RPTOR: variants seen among roughly 807,000 people sequenced by gnomAD.
RPTOR encodes regulatory-associated protein of mTOR.
In RPTOR, 21 loss-of-function variants were observed where a neutral mutation model predicts 169.9. The ratio of observed to expected loss-of-function variants is 0.12; its 90% CI spans 0.09 to 0.18. RPTOR has a LOEUF of 0.18. Ranked by LOEUF, RPTOR falls within the 10% of genes least tolerant of loss-of-function variation. The probability of loss-of-function intolerance (pLI) is 1.00; values close to 1 mark genes in which losing one functional copy is unlikely to be tolerated. For missense variants in RPTOR, 1,133 were observed against 1,855.9 expected, an observed-to-expected ratio of 0.61 and a Z score of 7.16; for synonymous variants, 732 against 753.2, an observed-to-expected ratio of 0.97 and a Z score of 0.46.
intron 20 of RPTOR, among the ~76,000 whole-genome samples, chr17:80,899,640 G>T (rs778177432): frequency 2.6e-5 from 4 of 152,206 alleles, no homozygotes; most frequent in Non-Finnish European, 1.5e-5. Context: ...TTTGCAGGTG[G>T]GACTGCCCCT....
At position 80,884,513 on chromosome 17, in the gene RPTOR, G is replaced by C. The variant is rs2068220783; in HGVS notation, c.1843-495G>C. 3.9e-5 allele frequency among the ~76,000 whole-genome samples: 6 copies of C among 152,330 alleles called. No homozygotes were observed. In the South Asian group the frequency reaches 1.2e-3, roughly 32 times the overall value. ...ACTCAGGGACAGTGACTTCTCCCCA[G>C]GACCACATGGTGTCAGAGGCAAGGG... On this transcript the variant is annotated intron_variant, in intron 16 of 33. Transcript: ENST00000306801.
At position 80,957,386 on chromosome 17, in the gene RPTOR, T is replaced by C. The variant is rs542022737; in HGVS notation, c.3371-238T>C. ...TGGACTTGGGAGTTCCAGCTCAGAA[T>C]TGTCATCCCGGCCCGGACTTGGGAG... On this transcript the variant is annotated intron_variant, in intron 28 of 33. Transcript: ENST00000306801. This position sits in a 1 kb window ranked among gnomAD's most constrained non-coding sequence, Gnocchi z 4.6. 4.0e-5 allele frequency among the ~76,000 whole-genome samples: 6 copies of C among 150,868 alleles called. No homozygotes were observed. Among genetic ancestry groups the C allele is most frequent in the Non-Finnish European group, 7.4e-5 (5 of 67,564 alleles).
chr17:80,676,784 T>C lies in RPTOR; in HGVS notation c.349-31057T>C, dbSNP rs370620866. Among the ~76,000 whole-genome samples the C allele has an allele frequency of 5.3e-5, 8 of 152,236 alleles. No individual in the cohort carries two copies. In the East Asian group the frequency reaches 5.8e-4, roughly 11 times the overall value. On this transcript the variant is annotated intron_variant, in intron 3 of 33. Transcript: ENST00000306801. ...GGCAGGCCTCAGTGGCCTCAGGCTC[T>C]GTCCCTGTGTATTTCATGGAGAACA... is the stretch of plus-strand genomic sequence containing the variant.
intron 6 of RPTOR, among the ~76,000 whole-genome samples, chr17:80,788,176 T>C (rs1260355379): frequency 2.0e-5 from 3 of 152,170 alleles, no homozygotes; most frequent in African/African-American, 7.2e-5. Flanking sequence ...TTTTCTTCAG[T>C]AAATTAAAAA....
rs571942468 is a variant in RPTOR, at chr17:80,757,582, A to AT, written c.830+3403dup. Among the ~76,000 whole-genome samples, 34 of 152,170 alleles carry AT rather than the reference A, an allele frequency of 2.2e-4. No homozygotes were observed. The South Asian group carries it at 6.9e-3, about 31-fold the overall frequency. ...ACAGACTGGGTAATTTAAAATGACA[A>AT]TTTTTTGTATTCTGTAAATTGATAT... On this transcript the variant is annotated intron_variant, in intron 6 of 33. Transcript: ENST00000306801.
intron 5 of RPTOR, among the ~76,000 whole-genome samples, chr17:80,745,407 CCTT>C (rs1249948138): frequency 6.6e-6 from 1 of 152,192 alleles, no homozygotes; most frequent in African/African-American, 2.4e-5. Flanking sequence ...AGAAGGAGCT[CCTT>C]CTGCTCTCTC....
intron 1 of RPTOR, among the ~76,000 whole-genome samples, chr17:80,610,589 G>A (rs983533723): frequency 6.6e-6 from 1 of 152,080 alleles, no homozygotes; most frequent in Non-Finnish European, 1.5e-5. Context: ...CTGTACTCCC[G>A]GGTGCTTCTT....
intron 2 of RPTOR, among the ~76,000 whole-genome samples, chr17:80,635,739 A>C (rs2065501184): frequency 6.6e-6 from 1 of 152,092 alleles, no homozygotes; most frequent in South Asian, 2.1e-4. Context: ...GAGTGCGTGG[A>C]GGAGCTTCTG....
At chr17:80,685,327 G>A (rs1274536095) in intron 3 of RPTOR, among the ~76,000 whole-genome samples, 1 of 151,844 alleles carries the variant, frequency 6.6e-6, no homozygotes, top group Non-Finnish European at 1.5e-5. Flanking sequence ...CCAGGCTGGA[G>A]TGCAGTGGTG....
At chr17:80,905,106 G>A (rs568615596) in intron 20 of RPTOR, among the ~76,000 whole-genome samples, 10 of 152,202 alleles carry the variant, frequency 6.6e-5, no homozygotes, top group African/African-American at 2.2e-4. Flanking sequence ...ATCCCCCATC[G>A]TGCTTGCATC....
At chr17:80,879,086 C>T (rs773743356) in intron 13 of RPTOR, among the ~76,000 whole-genome samples, 5 of 152,154 alleles carry the variant, frequency 3.3e-5, no homozygotes, top group Non-Finnish European at 5.9e-5. Context: ...CGGCTGTGCG[C>T]GCCCCGGAGC....
chr17:80,640,939 A>G (rs1315852880), intron 2 of RPTOR, among the ~76,000 whole-genome samples: 1 of 152,226 alleles, frequency 6.6e-6, no homozygotes, highest in Non-Finnish European at 1.5e-5. Flanking sequence ...GCAGTTAAGT[A>G]TGGGTGACTG....
rs1293973951 is a variant in RPTOR at position 80,575,551 on chromosome 17, G to T, written c.162+29760G>T. ...CCCCCTCGTGTTGTGGATGGTGTAG[G>T]TTGCACCGCTGTGTGCACACGTGTG... On this transcript the variant is annotated intron_variant, in intron 1 of 33. Coordinates refer to ENST00000306801, the MANE Select transcript of RPTOR (RefSeq NM_020761.3). Among the ~76,000 whole-genome samples the T allele has an allele frequency of 3.3e-5, 5 of 152,146 alleles. No individual in the cohort carries two copies. In the East Asian group the frequency reaches 7.7e-4, roughly 24 times the overall value.
intron 2 of RPTOR, among the ~76,000 whole-genome samples, chr17:80,643,466 C>T (rs1012894801): frequency 7.2e-5 from 11 of 152,214 alleles, no homozygotes; most frequent in East Asian, 1.9e-4. Context: ...CTGCAGGTGC[C>T]GAAATACAAA....
intron 1 of RPTOR, among the ~76,000 whole-genome samples, chr17:80,570,065 C>T (rs1200003958): frequency 2.0e-5 from 3 of 152,022 alleles, no homozygotes; most frequent in African/African-American, 4.8e-5. Flanking sequence ...GTTACTCTGC[C>T]GCTCTCATTC....
chr17:80,843,122 T>C (rs2067689062), intron 10 of RPTOR, among the ~76,000 whole-genome samples: 1 of 152,234 alleles, frequency 6.6e-6, no homozygotes, highest in Admixed American at 6.5e-5. Context: ...AGTGTGTTAA[T>C]TTCTGCAAAG....
rs1428770866 is a variant in RPTOR, at chr17:80,964,790, G to A, written c.*460G>A. 4.2e-6 allele frequency: 1 copy of A among 240,942 alleles called. No homozygotes were observed. Among genetic ancestry groups the A allele is most frequent in the Non-Finnish European group, 8.2e-6 (1 of 122,630 alleles). The allele number at this position is 240,942 out of a possible 1,614,324, so 14.9% of individuals were successfully genotyped here. On this transcript the variant is annotated 3_prime_UTR_variant, in exon 34 of 34. Transcript: ENST00000306801. ...AGGCCAAGAGCGAGCGAGAGGCGCT[G>A]CCCCAGCCAGGCCCACCACCTCTCA...
intron 4 of RPTOR, among the ~76,000 whole-genome samples, chr17:80,720,002 G>T (rs2066271436): frequency 6.6e-6 from 1 of 152,116 alleles, no homozygotes; most frequent in Non-Finnish European, 1.5e-5. Flanking sequence ...TGTTGCTTCT[G>T]TTGAAAGATG....
chr17:80,720,168 G>A (rs964806065), intron 4 of RPTOR, among the ~76,000 whole-genome samples: 3 of 152,088 alleles, frequency 2.0e-5, no homozygotes, highest in Non-Finnish European at 4.4e-5. Flanking sequence ...CATAGTGGCG[G>A]GCACCTGTAA....
Sources: gnomAD v4.1 joint callset for allele counts (sites outside exome capture counted in the v4.1 genomes callset) on GRCh38, gnomAD v4.1.1 for gene constraint, Gnocchi (gnomAD v3.1) non-coding constraint, MANE v1.5 for transcripts, NCBI Gene and HGNC (gene_info 2026-07-23, HGNC 2026-07-21) for gene names.